The following AGBL1 variants were observed in gnomAD, a reference collection of about 807,000 sequenced individuals.
The protein encoded by AGBL1 is cytosolic carboxypeptidase 4.
AGBL1 carries 130 observed loss-of-function variants against 118.9 expected under a neutral mutation model. The ratio of observed to expected loss-of-function variants is 1.09; its 90% CI spans 0.95 to 1.26. The LOEUF is 1.26. Ranked by LOEUF, AGBL1 falls within the 50% of genes most tolerant of loss-of-function variation. AGBL1 has a pLI of 0.00. For missense variants in AGBL1, 1,584 were observed against 1,298.1 expected (o/e 1.22, Z -3.38); for synonymous variants, 555 against 478.9 (o/e 1.16, Z -2.08).
At chr15:86,107,467 AAGG>A (rs747583608) in intron 1 of AGBL1, 13 of 152,126 alleles carry the variant, frequency 8.5e-5, no homozygotes, top group Non-Finnish European at 1.6e-4. Context: ...GTGAAGATGA[AAGG>A]AGATGTAGTT....
intron 21 of AGBL1, among the ~76,000 whole-genome samples, chr15:86,570,118 A>G (rs2083982116): frequency 6.6e-6 from 1 of 152,220 alleles, no homozygotes. Context: ...ATTTCCATAC[A>G]AATGTTCTGA....
At chr15:86,780,657 C>CTTTTTTTT (rs71144066) in intron 22 of AGBL1, among the ~76,000 whole-genome samples, 1 of 143,004 alleles carries the variant, frequency 7.0e-6, no homozygotes, top group Non-Finnish European at 1.5e-5. Flanking sequence ...TCTTTAACTT[C>CTTTTTTTT]TTTTTTTTTT....
chr15:86,695,350 A>G (rs758861775), intron 22 of AGBL1, among the ~76,000 whole-genome samples: 4 of 152,004 alleles, frequency 2.6e-5, no homozygotes, highest in Non-Finnish European at 4.4e-5. Flanking sequence ...GAATTTATCC[A>G]TCTCCTCTAG....
At chr15:86,995,971 G>T (rs370874529) in intron 24 of AGBL1, among the ~76,000 whole-genome samples, 1 of 152,066 alleles carries the variant, frequency 6.6e-6, no homozygotes, top group African/African-American at 2.4e-5. Context: ...TCACTTTTTA[G>T]AGATACTCTT....
At chr15:87,001,778 CT>C (rs1306404993) in intron 24 of AGBL1, among the ~76,000 whole-genome samples, 1 of 152,010 alleles carries the variant, frequency 6.6e-6, no homozygotes, top group African/African-American at 2.4e-5. Flanking sequence ...TAAATGTCGT[CT>C]TTTGAGAAGT....
At chr15:86,501,730 C>A (rs1385675009) in intron 18 of AGBL1, among the ~76,000 whole-genome samples, 1 of 151,506 alleles carries the variant, frequency 6.6e-6, no homozygotes. Flanking sequence ...ATTGTCTTGG[C>A]ATCCTTGTAG....
At position 86,969,242 on chromosome 15, in the gene AGBL1, G is replaced by A. The variant is rs531946556; in HGVS notation, c.3222-18745G>A. 2.1e-4 allele frequency among the ~76,000 whole-genome samples: 32 copies of A among 151,964 alleles called. 1 individual carries two copies. The highest frequency in any genetic ancestry group is 7.2e-4 in the Admixed American group (11 of 15,234). On this transcript the variant is annotated intron_variant, in intron 23 of 24. Coordinates refer to the AGBL1 transcript ENST00000441037. ...GAGAGCAAATTCTGCTCCAGCTGTG[G>A]GCCAGTGAAATCAAACAAGTTATGT...
chr15:86,505,388 G>A lies in AGBL1; in HGVS notation c.2556-17422G>A, dbSNP rs903087976. On this transcript the variant is annotated intron_variant, in intron 18 of 22. Coordinates refer to ENST00000614907, the MANE Select transcript of AGBL1 (RefSeq NM_001386094.1). ...TCTCTATTGCTTCCCCTTTTATTTT[G>A]GAACTCCTATTAGATGTATGTTGGT... Among the ~76,000 whole-genome samples, 4 of 151,540 alleles carry A rather than the reference G, an allele frequency of 2.6e-5. No homozygotes were observed. In the East Asian group the frequency reaches 7.8e-4, roughly 29 times the overall value.
At chr15:86,460,357 G>C (rs6496339) in intron 18 of AGBL1, among the ~76,000 whole-genome samples, 1 of 144,068 alleles carries the variant, frequency 6.9e-6, no homozygotes, top group African/African-American at 2.6e-5. Flanking sequence ...ATAGCCAGGC[G>C]TGGTGATAGG....
chr15:86,667,673 T>G (rs1016679781), intron 21 of AGBL1, among the ~76,000 whole-genome samples: 1 of 152,190 alleles, frequency 6.6e-6, no homozygotes, highest in African/African-American at 2.4e-5. Context: ...AGTACTTTCT[T>G]CCTTCTCCTC....
intron 21 of AGBL1, among the ~76,000 whole-genome samples, chr15:86,660,795 C>T (rs1411162922): frequency 2.0e-5 from 3 of 152,034 alleles, no homozygotes; most frequent in South Asian, 2.1e-4. Flanking sequence ...TCTAGCCATG[C>T]GTAAATCTGC....
At chr15:87,010,130 CTCA>C (rs2081543206) in intron 24 of AGBL1, among the ~76,000 whole-genome samples, 1 of 152,100 alleles carries the variant, frequency 6.6e-6, no homozygotes, top group South Asian at 2.1e-4. Flanking sequence ...CCACCCAAAT[CTCA>C]TCATGAATTC....
At chr15:86,966,617 T>C (rs1311286096) in intron 23 of AGBL1, among the ~76,000 whole-genome samples, 1 of 152,090 alleles carries the variant, frequency 6.6e-6, no homozygotes, top group Non-Finnish European at 1.5e-5. Context: ...AGAATGATGG[T>C]TTCCAGCTTC....
chr15:86,140,439 A>C (rs4887197), intron 1 of AGBL1, among the ~76,000 whole-genome samples: 1 of 151,758 alleles, frequency 6.6e-6, no homozygotes, highest in Non-Finnish European at 1.5e-5. Flanking sequence ...TTTTTGGTTC[A>C]GTTTGGTTCC....
At chr15:86,569,438 G>T (rs1198956520) in intron 21 of AGBL1, among the ~76,000 whole-genome samples, 1 of 151,816 alleles carries the variant, frequency 6.6e-6, no homozygotes, top group Non-Finnish European at 1.5e-5. Flanking sequence ...GAGAAATCCG[G>T]ATGCTAATCT....
chr15:86,523,967 TTAAAA>T (rs1387037508), intron 19 of AGBL1, among the ~76,000 whole-genome samples: 1 of 152,154 alleles, frequency 6.6e-6, no homozygotes, highest in Non-Finnish European at 1.5e-5. Flanking sequence ...CCTAACAAAC[TTAAAA>T]TAGAGTGAAG....
At chr15:86,223,970 A>C (rs2078319199) in intron 5 of AGBL1, among the ~76,000 whole-genome samples, 1 of 152,156 alleles carries the variant, frequency 6.6e-6, no homozygotes, top group Admixed American at 6.5e-5. Context: ...AGAGGTGTGC[A>C]GCGAGATTCC....
intron 22 of AGBL1, among the ~76,000 whole-genome samples, chr15:86,681,744 C>T (rs12912269): frequency 0.38 from 57,886 of 151,984 alleles, 13,449 homozygotes; most frequent in Non-Finnish European, 0.54. Flanking sequence ...TAGAAAGTAA[C>T]GTGATTTAGG....
intron 17 of AGBL1, among the ~76,000 whole-genome samples, chr15:86,391,034 G>T (rs1175530631): frequency 6.8e-6 from 1 of 146,306 alleles, no homozygotes; most frequent in African/African-American, 2.6e-5. Flanking sequence ...AAAAAAAAAG[G>T]CAAATCGGTG....
Sources: gnomAD v4.1 joint callset for allele counts (sites outside exome capture counted in the v4.1 genomes callset) on GRCh38, gnomAD v4.1.1 for gene constraint, MANE v1.5 for transcripts, NCBI Gene and HGNC (gene_info 2026-07-23, HGNC 2026-07-21) for gene names.